NFKB1: variants seen among roughly 807,000 people sequenced by gnomAD.
The protein encoded by NFKB1 is nuclear factor kappa B subunit 1, also known as nuclear factor NF-kappa-B p105 subunit.
Under a neutral mutation model 105.1 loss-of-function variants are expected in NFKB1, and 9 were observed. That is an observed-to-expected ratio of 0.09 (90% confidence interval 0.05 to 0.15). NFKB1 has a LOEUF of 0.15. Ranked by LOEUF, NFKB1 falls within the 10% of genes least tolerant of loss-of-function variation. The pLI is 1.00. For synonymous variants in NFKB1, 440 were observed against 442.2 expected (o/e 1.00, Z 0.06); for missense variants, 830 against 1,203.7 (o/e 0.69, Z 4.59).
intron 4 of NFKB1, among the ~76,000 whole-genome samples, chr4:102,534,293 C>G (rs1741491171): frequency 1.3e-5 from 2 of 152,206 alleles, no homozygotes; most frequent in South Asian, 4.1e-4. Context: ...TGTAGTACCT[C>G]TTAGCCTTCC....
chr4:102,514,412 G>A (rs372831375), intron 1 of NFKB1, among the ~76,000 whole-genome samples: 1 of 152,070 alleles, frequency 6.6e-6, no homozygotes, highest in East Asian at 1.9e-4. Context: ...CTTTTAAAAG[G>A]GCTTGCTGGA....
chr4:102,605,826 A>T (rs1727671559), intron 16 of NFKB1, among the ~76,000 whole-genome samples: 1 of 152,220 alleles, frequency 6.6e-6, no homozygotes, highest in South Asian at 2.1e-4. Context: ...GACTGGTCTC[A>T]GGAGCCAGTC....
intron 2 of NFKB1, 124 bp downstream of exon 2, chr4:102,525,681 C>T: frequency 1.2e-6 from 1 of 824,854 alleles, no homozygotes; most frequent in Non-Finnish European, 1.9e-6. Context: ...TTTTTAATTT[C>T]AGTTTCTCTG....
rs566976080 is a variant in NFKB1 at position 102,589,295 on chromosome 4, G to T, written c.1067-4130G>T. On this transcript the variant is annotated intron_variant, in intron 11 of 23. Coordinates refer to ENST00000226574, the MANE Select transcript of NFKB1 (RefSeq NM_003998.4). The stretch of plus-strand genomic sequence containing the variant: ...AATAAGTTGCCTGCTTCCCTCTTGT[G>T]TTTCATATGTCTGCAGTGAACAGTA... Among the ~76,000 whole-genome samples, 7 of 152,264 alleles carry T rather than the reference G, an allele frequency of 4.6e-5. No individual in the cohort carries two copies. The East Asian group carries it at 1.3e-3, about 29-fold the overall frequency.
At chr4:102,607,119 T>A in intron 17 of NFKB1, 31 bp from the exon 18 acceptor site, 5 of 1,613,084 alleles carry the variant, frequency 3.1e-6, no homozygotes, top group Non-Finnish European at 4.2e-6. Flanking sequence ...AGCCATCCCA[T>A]CCTGTGACTG....
intron 5 of NFKB1, among the ~76,000 whole-genome samples, chr4:102,559,407 C>T (rs1337453102): frequency 6.6e-6 from 1 of 151,788 alleles, no homozygotes; most frequent in Non-Finnish European, 1.5e-5. Flanking sequence ...CATGGCATGA[C>T]ATGGCTTGAA....
At chr4:102,535,403 C>T (rs1741568288) in intron 4 of NFKB1, among the ~76,000 whole-genome samples, 1 of 152,000 alleles carries the variant, frequency 6.6e-6, no homozygotes, top group Admixed American at 6.6e-5. Context: ...TAATGTAGTT[C>T]CAAAATTCAA....
At chr4:102,597,480 G>C (rs776062323) in intron 14 of NFKB1, 40 bp from the exon 15 acceptor site, 10 of 1,571,678 alleles carry the variant, frequency 6.4e-6, no homozygotes, top group Non-Finnish European at 8.7e-6. Context: ...TAAAACAAAA[G>C]TAGGAACACT....
At chr4:102,512,555 T>C (rs1739849925) in intron 1 of NFKB1, among the ~76,000 whole-genome samples, 1 of 152,172 alleles carries the variant, frequency 6.6e-6, no homozygotes, top group Middle Eastern at 3.2e-3. Context: ...TTTGTAGAGA[T>C]GGGGTCTCCC....
At position 102,514,329 on chromosome 4, in the gene NFKB1, G is replaced by A. The variant is rs189752294; in HGVS notation, c.-7-11183G>A. The stretch of plus-strand genomic sequence containing the variant: ...TTTGAATGTGTCCCCACCAAATTCA[G>A]GTGTTGAAACAGGATGACCAATGTG... On this transcript the variant is annotated intron_variant, in intron 1 of 23. Coordinates refer to ENST00000226574, the MANE Select transcript of NFKB1 (RefSeq NM_003998.4). Among the ~76,000 whole-genome samples the A allele has an allele frequency of 2.7e-3, 408 of 152,268 alleles. 2 individuals are homozygous for A. Among genetic ancestry groups the A allele is most frequent in the African/African-American group, 9.6e-3 (398 of 41,528 alleles).
chr4:102,615,497 G>C (rs1343382428), intron 23 of NFKB1, among the ~76,000 whole-genome samples: 2 of 152,198 alleles, frequency 1.3e-5, no homozygotes, highest in African/African-American at 4.8e-5. Flanking sequence ...GTCCGCACTT[G>C]AGAAAGGAAT....
At chr4:102,593,645 A>C in intron 12 of NFKB1, 77 bp downstream of exon 12, 2 of 1,463,406 alleles carry the variant, frequency 1.4e-6, no homozygotes, top group Non-Finnish European at 1.8e-6. Context: ...GTTTCTGAGC[A>C]TGTCTGTGAG....
At chr4:102,523,028 A>T (rs1305549541) in intron 1 of NFKB1, among the ~76,000 whole-genome samples, 1 of 152,190 alleles carries the variant, frequency 6.6e-6, no homozygotes, top group Non-Finnish European at 1.5e-5. Context: ...TTGAATAGGC[A>T]TTTATTTGCT....
At chr4:102,574,302 T>C (rs916956390) in intron 6 of NFKB1, among the ~76,000 whole-genome samples, 1 of 152,210 alleles carries the variant, frequency 6.6e-6, no homozygotes, top group Non-Finnish European at 1.5e-5. Context: ...AGGCAGTACC[T>C]TTCTGAATTT....
At chr4:102,545,748 A>G (rs1722086704) in intron 5 of NFKB1, among the ~76,000 whole-genome samples, 1 of 152,116 alleles carries the variant, frequency 6.6e-6, no homozygotes, top group African/African-American at 2.4e-5. Context: ...TTGCTAAATC[A>G]CAGTGCATCA....
intron 20 of NFKB1, 29 bp from the exon 21 acceptor site, chr4:102,612,015 A>G: frequency 6.3e-7 from 1 of 1,596,702 alleles, no homozygotes. Context: ...TCGATGTATA[A>G]CGATTTCTGG....
At chr4:102,561,301 G>C (rs1237065640) in intron 5 of NFKB1, among the ~76,000 whole-genome samples, 10 of 138,714 alleles carry the variant, frequency 7.2e-5, no homozygotes, top group Non-Finnish European at 1.1e-4. Context: ...GTGTGTGCCT[G>C]ATAATCTGAC....
intron 1 of NFKB1, among the ~76,000 whole-genome samples, chr4:102,523,208 TTACTC>T (rs1174113235): frequency 2.0e-5 from 3 of 152,188 alleles, no homozygotes; most frequent in Non-Finnish European, 4.4e-5. Context: ...CTTACCCTCT[TTACTC>T]TATCAGGTCA....
intron 1 of NFKB1, among the ~76,000 whole-genome samples, chr4:102,508,885 A>C (rs981243360): frequency 1.3e-5 from 2 of 152,246 alleles, no homozygotes; most frequent in African/African-American, 4.8e-5. Context: ...TATAAATAAA[A>C]GGACAAATCA....
Sources: gnomAD v4.1 joint callset for allele counts (sites outside exome capture counted in the v4.1 genomes callset) on GRCh38, gnomAD v4.1.1 for gene constraint, MANE v1.5 for transcripts, NCBI Gene and HGNC (gene_info 2026-07-23, HGNC 2026-07-21) for gene names.